Variants in PPARD observed in about 807,000 individuals in gnomAD.
PPARD encodes the protein peroxisome proliferator activated receptor delta.
Under a neutral mutation model 39.5 loss-of-function variants are expected in PPARD, and 6 were observed. That is an observed-to-expected ratio of 0.15 (90% CI 0.08 to 0.30). The LOEUF is 0.30. PPARD is among the 10% of genes least tolerant of loss of function. The pLI is 1.00. For missense variants in PPARD, 397 were observed against 596.8 expected (o/e 0.67, Z 3.49); for synonymous variants, 210 against 231.3 (o/e 0.91, Z 0.83).
intron 2 of PPARD, among the ~76,000 whole-genome samples, chr6:35,398,426 G>C (rs1764482172): frequency 6.6e-6 from 1 of 152,150 alleles, no homozygotes; most frequent in Admixed American, 6.5e-5. Flanking sequence ...GAGAGACCAT[G>C]GGGGGAAGGT....
intron 2 of PPARD, among the ~76,000 whole-genome samples, chr6:35,403,768 G>T (rs1764849432): frequency 6.6e-6 from 1 of 152,206 alleles, no homozygotes; most frequent in Non-Finnish European, 1.5e-5. Flanking sequence ...GCTAGTCCAG[G>T]AGAGCTTCCC....
At chr6:35,402,850 T>C (rs1764792667) in intron 2 of PPARD, among the ~76,000 whole-genome samples, 1 of 152,082 alleles carries the variant, frequency 6.6e-6, no homozygotes, top group South Asian at 2.1e-4. Context: ...ATAAGAAAGG[T>C]TGGGAGAGAA....
At position 35,425,149 on chromosome 6, in the gene PPARD, C is replaced by A; in HGVS notation, c.1078+370C>A. On this transcript the variant is annotated intron_variant, in intron 7 of 7. Coordinates refer to ENST00000360694, the MANE Select transcript of PPARD (RefSeq NM_006238.5). The surrounding 1 kb of genome is among the most constrained non-coding windows in gnomAD (Gnocchi z 4.5). ...ATTAGCCAGATGTGGTGGCACGCGCCTGTAATCCCAGCTACTTGGGAGGCT... is the reference window on the plus strand; with the variant it reads ...ATTAGCCAGATGTGGTGGCACGCGCATGTAATCCCAGCTACTTGGGAGGCT... The A allele has an allele frequency of 1.3e-6, 1 of 773,052 alleles. No homozygotes were observed. Among genetic ancestry groups the A allele is most frequent in the Non-Finnish European group, 1.6e-6 (1 of 614,592 alleles). 47.9% of individuals were successfully genotyped at this position (773,052 alleles called of 1,614,324 possible). A position where few individuals can be genotyped will look rare whatever the true frequency, so the allele number is the denominator to read the frequency against.
At chr6:35,385,643 A>AT (rs1164826441) in intron 2 of PPARD, among the ~76,000 whole-genome samples, 114 of 83,166 alleles carry the variant, frequency 1.4e-3, no homozygotes, top group African/African-American at 6.0e-3. Context: ...AAATAAATAA[A>AT]TTTAAAAAAA....
intron 3 of PPARD, among the ~76,000 whole-genome samples, chr6:35,416,450 C>T (rs1285618804): frequency 6.8e-6 from 1 of 146,788 alleles, no homozygotes; most frequent in Non-Finnish European, 1.5e-5. Context: ...AACTGGGCAC[C>T]GTGGCCTAAT....
chr6:35,383,623 G>A (rs1282365814), intron 2 of PPARD, among the ~76,000 whole-genome samples: 8 of 133,034 alleles, frequency 6.0e-5, no homozygotes, highest in African/African-American at 1.2e-4. Context: ...CTAGGAAGGA[G>A]GAGCGTCTCT....
At chr6:35,419,910 G>C (rs771290641) in intron 3 of PPARD, among the ~76,000 whole-genome samples, 23 of 152,206 alleles carry the variant, frequency 1.5e-4, no homozygotes, top group Middle Eastern at 3.2e-3. Context: ...CTGTATGTTA[G>C]GCTCTGGGAG....
intron 1 of PPARD, among the ~76,000 whole-genome samples, chr6:35,343,598 TTGTG>T (rs1054985607): frequency 3.3e-4 from 50 of 152,292 alleles, no homozygotes; most frequent in African/African-American, 1.2e-3. Context: ...AAATAACAGA[TTGTG>T]TGGGAGAATG....
intron 2 of PPARD, among the ~76,000 whole-genome samples, chr6:35,370,846 T>C (rs1000784614): frequency 6.6e-6 from 1 of 152,206 alleles, no homozygotes; most frequent in Non-Finnish European, 1.5e-5. Flanking sequence ...AAGGCAGCTC[T>C]TGTGTGTAGC....
intron 2 of PPARD, among the ~76,000 whole-genome samples, chr6:35,374,335 G>A (rs1762672691): frequency 6.6e-6 from 1 of 150,412 alleles, no homozygotes; most frequent in Admixed American, 6.6e-5. Context: ...GTGGGCAATT[G>A]CTTTTTGGAT....
chr6:35,392,898 T>G (rs547995088), intron 2 of PPARD, among the ~76,000 whole-genome samples: 1 of 152,254 alleles, frequency 6.6e-6, no homozygotes, highest in Admixed American at 6.5e-5. Context: ...GTTACCCTGG[T>G]GTCCTTCCCC....
At chr6:35,386,976 GAAACCTGCT>G (rs2150637742) in intron 2 of PPARD, among the ~76,000 whole-genome samples, 1 of 149,942 alleles carries the variant, frequency 6.7e-6, no homozygotes, top group Non-Finnish European at 1.5e-5. Context: ...GGAGGTGGGG[GAAACCTGCT>G]TTCCCCCACC....
chr6:35,376,941 A>G (rs1052817756), intron 2 of PPARD, among the ~76,000 whole-genome samples: 23 of 149,964 alleles, frequency 1.5e-4, no homozygotes, highest in African/African-American at 5.4e-4. Flanking sequence ...AATGGCATGA[A>G]CCCGGGAGGC....
At chr6:35,379,470 G>T (rs1297338973) in intron 2 of PPARD, among the ~76,000 whole-genome samples, 1 of 152,172 alleles carries the variant, frequency 6.6e-6, no homozygotes. Flanking sequence ...TCAGTCTGTG[G>T]TCATATATTA....
chr6:35,397,446 C>T, intron 2 of PPARD: 1 of 784,778 alleles, frequency 1.3e-6, no homozygotes, highest in Non-Finnish European at 1.5e-6. Flanking sequence ...GATTCGCTCT[C>T]CACCACATTT....
At chr6:35,348,923 G>A (rs905311804) in intron 2 of PPARD, 26 of 985,334 alleles carry the variant, frequency 2.6e-5, no homozygotes, top group Non-Finnish European at 3.1e-5. Flanking sequence ...GCAGCAGCCA[G>A]GCCCAGTGGC....
intron 1 of PPARD, among the ~76,000 whole-genome samples, chr6:35,343,068 AC>A (rs1409701476): frequency 2.6e-5 from 4 of 151,376 alleles, no homozygotes; most frequent in African/African-American, 9.7e-5. Flanking sequence ...CCTGCCTCTG[AC>A]CTCTTCCTTC....
At chr6:35,381,091 C>T (rs1459792840) in intron 2 of PPARD, among the ~76,000 whole-genome samples, 2 of 151,838 alleles carry the variant, frequency 1.3e-5, no homozygotes, top group Non-Finnish European at 2.9e-5. Context: ...CATTTTCCTG[C>T]TCCCCTCCTG....
intron 2 of PPARD, among the ~76,000 whole-genome samples, chr6:35,347,373 T>C (rs1760928066): frequency 6.6e-6 from 1 of 152,150 alleles, no homozygotes; most frequent in Non-Finnish European, 1.5e-5. Context: ...GCATGGAGAT[T>C]CCCACCTTTG....
Sources: allele counts gnomAD v4.1 joint callset (sites outside exome capture counted in the v4.1 genomes callset), GRCh38; gene constraint gnomAD v4.1.1; non-coding constraint Gnocchi (gnomAD v3.1); transcripts MANE v1.5; gene names NCBI Gene and HGNC (gene_info 2026-07-23, HGNC 2026-07-21).